ST6GALNAC1: variants seen among roughly 807,000 people sequenced by gnomAD.
The protein encoded by ST6GALNAC1 is ST6 N-acetylgalactosaminide alpha-2,6-sialyltransferase 1.
Under a neutral mutation model 56.8 loss-of-function variants are expected in ST6GALNAC1, and 45 were observed. That is an observed-to-expected ratio of 0.79 (90% CI 0.62 to 1.02). ST6GALNAC1 has a LOEUF of 1.02. Among genes scored for constraint, ST6GALNAC1 ranks in the 50% least tolerant of loss-of-function variants. ST6GALNAC1 has a pLI of 0.00. For missense variants in ST6GALNAC1, 743 were observed against 754.8 expected, an observed-to-expected ratio of 0.98 and a Z score of 0.18; for synonymous variants, 295 against 297.8, an observed-to-expected ratio of 0.99 and a Z score of 0.10.
chr17:76,634,384 C>T (rs1231102841), intron 1 of ST6GALNAC1, among the ~76,000 whole-genome samples: 3 of 152,150 alleles, frequency 2.0e-5, no homozygotes. Flanking sequence ...TGTCCCTCTC[C>T]ACTCCCTGCT....
chr17:76,626,415 G>T, intron 5 of ST6GALNAC1, 23 bp from the exon 6 acceptor site: 9 of 1,610,086 alleles, frequency 5.6e-6, no homozygotes, highest in Non-Finnish European at 7.6e-6. Context: ...GACAGGGAGT[G>T]GTCCAAAAGT....
At chr17:76,622,957 C>G (rs2075756534), downstream of ST6GALNAC1, among the ~76,000 whole-genome samples, 1 of 152,128 alleles carries the variant, frequency 6.6e-6, no homozygotes, top group African/African-American at 2.4e-5. Flanking sequence ...CCAGGCCTGG[C>G]TAATTTTTTG....
At chr17:76,641,312 T>A (rs1178263698) in intron 1 of ST6GALNAC1, among the ~76,000 whole-genome samples, 1 of 152,078 alleles carries the variant, frequency 6.6e-6, no homozygotes, top group East Asian at 1.9e-4. Flanking sequence ...TGATAATAAA[T>A]CCTCCTCAAC....
chr17:76,632,250 T>A (rs954139419), intron 1 of ST6GALNAC1, among the ~76,000 whole-genome samples: 20 of 152,108 alleles, frequency 1.3e-4, no homozygotes, highest in Non-Finnish European at 2.9e-4. Context: ...CTGAATGACA[T>A]TTTCCCTATC....
intron 1 of ST6GALNAC1, chr17:76,637,626 C>G (rs1389838262): frequency 5.0e-6 from 2 of 398,660 alleles, no homozygotes; most frequent in African/African-American, 4.1e-5. Context: ...CCTGAAAGAG[C>G]CAAGGGGCAG....
Position 76,627,515 on chromosome 17 carries a change from G to A in ST6GALNAC1, c.900C>T (p.Asn300=), listed in dbSNP as rs748201636. 3 of 1,614,096 alleles carry A rather than the reference G, an allele frequency of 1.9e-6. No homozygotes were observed. Among genetic ancestry groups the A allele is most frequent in the Non-Finnish European group, 2.5e-6 (3 of 1,180,038 alleles). Residue 300 remains asparagine, a synonymous_variant, in exon 3 of 9, where the codon AAC becomes AAT. Transcript: ENST00000156626. The surrounding 1 kb of genome is among the most constrained non-coding windows in gnomAD (Gnocchi z 4.4). ...SLWLQKLFLP[N]LTLFLDSRHF... ...GTCTGGAGTCCAGGAAGAGAGTGAG[G>A]TTGGGCAGAAAGAGTTTCTGGAGCC...
chr17:76,625,633 G>A (rs1043791015), intron 8 of ST6GALNAC1, 106 bp from the exon 9 acceptor site: 81 of 1,351,514 alleles, frequency 6.0e-5, no homozygotes, highest in African/African-American at 4.9e-4. Context: ...CCCTGGCTCC[G>A]TCCCTAGGGG....
At chr17:76,634,976 C>T (rs374915421) in intron 1 of ST6GALNAC1, among the ~76,000 whole-genome samples, 10 of 152,084 alleles carry the variant, frequency 6.6e-5, no homozygotes, top group African/African-American at 1.7e-4. Context: ...TTTATTTTTA[C>T]GACTTTACTT....
chr17:76,643,574 G>GC lies in ST6GALNAC1; in HGVS notation c.64dup (p.Ala22GlyfsTer15), dbSNP rs770148304. ...GGCGAAGAGAAAGAAGACCAGGACA[G>GC]CCAGAAGCAAGGACCACTGGACGCC... On this transcript the variant is annotated frameshift_variant, in exon 1 of 9. Transcript: ENST00000156626. LOFTEE classifies it high-confidence loss of function. The GC allele has an allele frequency of 3.0e-5, 49 of 1,614,022 alleles. No homozygotes were observed. The highest frequency in any genetic ancestry group is 4.1e-5 in the Non-Finnish European group (48 of 1,179,968).
chr17:76,630,742 G>A (rs538099555), intron 1 of ST6GALNAC1, among the ~76,000 whole-genome samples: 48 of 150,272 alleles, frequency 3.2e-4, no homozygotes, highest in South Asian at 6.4e-4. Flanking sequence ...ATGCCACCAC[G>A]CCTGGCTCTT....
intron 1 of ST6GALNAC1, among the ~76,000 whole-genome samples, chr17:76,635,564 G>T (rs890364308): frequency 2.0e-5 from 3 of 152,188 alleles, no homozygotes; most frequent in African/African-American, 7.2e-5. Context: ...TTGAGCCTGC[G>T]AGGTGGAGGT....
chr17:76,631,063 C>CTGTGTGTGTGTGTGTG (rs1331837039), intron 1 of ST6GALNAC1, among the ~76,000 whole-genome samples: 929 of 74,368 alleles, frequency 0.012, 7 homozygotes, highest in Middle Eastern at 0.025. Flanking sequence ...CCCAGCTAAT[C>CTGTGTGTGTGTGTGTG]TCTGTGTGTG....
At chr17:76,618,400 A>G in the ST6GALNAC1 span, among the ~76,000 whole-genome samples, 1 of 152,204 alleles carries the variant, frequency 6.6e-6, no homozygotes, top group Non-Finnish European at 1.5e-5. Context: ...TCTGGAGGAC[A>G]GAAAAAACAA....
chr17:76,625,624 C>A, intron 8 of ST6GALNAC1, 97 bp from the exon 9 acceptor site: 1 of 1,440,044 alleles, frequency 6.9e-7, no homozygotes. Context: ...GGTTCTTTTC[C>A]CTGGCTCCGT....
chr17:76,636,979 G>C (rs1428654598), intron 1 of ST6GALNAC1, among the ~76,000 whole-genome samples: 7 of 151,964 alleles, frequency 4.6e-5, no homozygotes, highest in African/African-American at 7.3e-5. Context: ...CCCCAACCCC[G>C]TGCTCTCTGA....
chr17:76,631,161 C>G (rs1365392902), intron 1 of ST6GALNAC1, among the ~76,000 whole-genome samples: 1 of 151,932 alleles, frequency 6.6e-6, no homozygotes, highest in Non-Finnish European at 1.5e-5. Flanking sequence ...CCAGGCTGGT[C>G]TCAAATTCCT....
the ST6GALNAC1 span, among the ~76,000 whole-genome samples, chr17:76,618,134 T>A: frequency 9.2e-5 from 14 of 152,330 alleles, no homozygotes; most frequent in African/African-American, 3.4e-4. Context: ...AGAGCCACAT[T>A]TTTATGTGTT....
rs2143427089 is a variant in ST6GALNAC1 at position 76,627,937 on chromosome 17, A to G, written c.832-354T>C. Among the ~76,000 whole-genome samples, 1 of 152,106 alleles carries G rather than the reference A, an allele frequency of 6.6e-6. No individual in the cohort carries two copies. Among genetic ancestry groups the G allele is most frequent in the Non-Finnish European group, 1.5e-5 (1 of 67,986 alleles). On this transcript the variant is annotated intron_variant, in intron 2 of 8. Coordinates refer to ENST00000156626, the MANE Select transcript of ST6GALNAC1 (RefSeq NM_018414.5). The surrounding 1 kb of genome is among the most constrained non-coding windows in gnomAD (Gnocchi z 4.4). The stretch of plus-strand genomic sequence containing the variant: ...ACGGTGAAACCCCGTCTCTACTAAA[A>G]ATACAAAAAATTAGCCGGGCGTGGT...
At chr17:76,622,602 A>G (rs2075752942), downstream of ST6GALNAC1, among the ~76,000 whole-genome samples, 1 of 152,074 alleles carries the variant, frequency 6.6e-6, no homozygotes, top group African/African-American at 2.4e-5. Context: ...TGACCTCATG[A>G]TCGGCCCACC....
Sources: allele counts gnomAD v4.1 joint callset (sites outside exome capture counted in the v4.1 genomes callset), GRCh38; gene constraint gnomAD v4.1.1; non-coding constraint Gnocchi (gnomAD v3.1); transcripts MANE v1.5; gene names NCBI Gene and HGNC (gene_info 2026-07-23, HGNC 2026-07-21).